CEP126: variants seen among roughly 807,000 people sequenced by gnomAD.
CEP126 encodes the protein centrosomal protein of 126 kDa.
Under a neutral mutation model 107.8 loss-of-function variants are expected in CEP126, and 74 were observed. The ratio of observed to expected loss-of-function variants is 0.69; its 90% CI spans 0.57 to 0.83. The LOEUF (loss-of-function observed/expected upper bound fraction) is 0.83. CEP126 is among the 40% of genes least tolerant of loss of function. The probability of loss-of-function intolerance (pLI) is 0.00; values close to 1 mark genes in which losing one functional copy is unlikely to be tolerated. For synonymous variants in CEP126, 449 were observed against 446.0 expected, an observed-to-expected ratio of 1.01 and a Z score of -0.08; for missense variants, 1,237 against 1,281.9, an observed-to-expected ratio of 0.96 and a Z score of 0.53.
chr11:101,934,794 T>C (rs1367061013), intron 2 of CEP126, among the ~76,000 whole-genome samples: 1 of 152,086 alleles, frequency 6.6e-6, no homozygotes, highest in African/African-American at 2.4e-5. Context: ...TTATTCTAAT[T>C]TGGGACTACT....
In CEP126 at chr11:101,963,109, G is replaced by GGA; in HGVS notation, c.2074_2075insGA (p.Asp692GlyfsTer11). 1 of 1,614,060 alleles carries GGA rather than the reference G, an allele frequency of 6.2e-7. No homozygotes were observed. On this transcript the variant is annotated frameshift_variant, in exon 6 of 11. Coordinates refer to ENST00000263468, the MANE Select transcript of CEP126 (RefSeq NM_020802.4). LOFTEE classifies it high-confidence loss of function. ...TGCTGATACAAAGAAGTCCAGGGAG[G>GGA]ATTCTATCTCTGAAAATGTTACGAC...
intron 1 of CEP126, among the ~76,000 whole-genome samples, chr11:101,922,152 T>C (rs951411229): frequency 1.4e-5 from 2 of 148,028 alleles, no homozygotes; most frequent in African/African-American, 5.0e-5. Flanking sequence ...TACTTTCTAA[T>C]ACCAAGTCAG....
rs529326128 is a variant in CEP126 at position 101,948,029 on chromosome 11, A to C, written c.395-2A>C. 4.1e-5 allele frequency: 65 copies of C among 1,581,606 alleles called. No individual in the cohort carries two copies. In the South Asian group the frequency reaches 6.6e-4, roughly 16 times the overall value. ...ACTGTTCGGTCTTTATTATCTCTTT[A>C]GTTTCCCGAAAACCAGTTCCTCCAT... On this transcript the variant is annotated splice_acceptor_variant, in intron 3 of 10. Transcript: ENST00000263468. LOFTEE classifies it high-confidence loss of function.
chr11:101,967,594 A>G (rs1404160094), intron 6 of CEP126, among the ~76,000 whole-genome samples: 1 of 152,172 alleles, frequency 6.6e-6, no homozygotes, highest in Non-Finnish European at 1.5e-5. Context: ...TAATTATTTC[A>G]AACATCCTCC....
intron 1 of CEP126, among the ~76,000 whole-genome samples, chr11:101,917,333 G>GA (rs908778989): frequency 2.6e-5 from 4 of 151,218 alleles, no homozygotes; most frequent in African/African-American, 4.9e-5. Flanking sequence ...ATGACTAAAT[G>GA]AAAAAAAGGA....
At chr11:101,955,853 C>T in intron 4 of CEP126, 1 of 456,332 alleles carries the variant, frequency 2.2e-6, no homozygotes, top group Non-Finnish European at 4.4e-6. Flanking sequence ...TCAACTGTCT[C>T]CTCCACGGGT....
chr11:101,921,370 T>C (rs1940322825), intron 1 of CEP126, among the ~76,000 whole-genome samples: 1 of 152,202 alleles, frequency 6.6e-6, no homozygotes, highest in Non-Finnish European at 1.5e-5. Context: ...CATTTTCTTA[T>C]ATTCATGACT....
intron 10 of CEP126, among the ~76,000 whole-genome samples, chr11:101,995,302 GCTAA>G (rs1941430039): frequency 6.6e-6 from 1 of 152,082 alleles, no homozygotes; most frequent in African/African-American, 2.4e-5. Flanking sequence ...TACCAATGCT[GCTAA>G]CTAACTTTGA....
At position 101,985,286 on chromosome 11, in the gene CEP126, CTTTT is replaced by C. The variant is rs1332724086; in HGVS notation, c.3035-1534_3035-1531del. ...GTATATATGAAACATAAATGAGTTTCTTTTTTTTTTTTTTTAAGCAGAGTCTCAC... is the reference window on the plus strand; with the variant it reads ...GTATATATGAAACATAAATGAGTTTCTTTTTTTTTTTAAGCAGAGTCTCAC... On this transcript the variant is annotated intron_variant, in intron 8 of 10. Coordinates refer to ENST00000263468, the MANE Select transcript of CEP126 (RefSeq NM_020802.4). Among the ~76,000 whole-genome samples the C allele has an allele frequency of 3.7e-5, 5 of 136,848 alleles. No homozygotes were observed. The East Asian group carries it at 6.4e-4, about 18-fold the overall frequency. The allele number at this position is 136,848 out of a possible 152,430, so 89.8% of individuals were successfully genotyped here.
chr11:101,929,973 A>AATTTTTTTTT (rs1591270540), intron 2 of CEP126, among the ~76,000 whole-genome samples: 1 of 118,106 alleles, frequency 8.5e-6, no homozygotes. Context: ...TTTAGTTAGG[A>AATTTTTTTTT]CTTTTTTTTT....
chr11:101,935,742 T>TCTCA lies in CEP126; in HGVS notation c.249-8523_249-8522insCTCA, dbSNP rs1940568175. On this transcript the variant is annotated intron_variant, in intron 2 of 10. Transcript: ENST00000263468. ...TTATAGCAGGAATTCTCAACAGCAGTACTATTGACATTGTGGATGAGATAA... is the reference window on the plus strand; with the variant it reads ...TTATAGCAGGAATTCTCAACAGCAGTCTCAACTATTGACATTGTGGATGAGATAA... Among the ~76,000 whole-genome samples, 3 of 152,128 alleles carry TCTCA rather than the reference T, an allele frequency of 2.0e-5. No homozygotes were observed. In the South Asian group the frequency reaches 6.2e-4, roughly 31 times the overall value.
In CEP126 at chr11:101,937,289, T is replaced by G. The variant is rs1940597141; in HGVS notation, c.249-6976T>G. Reference sequence around the variant, plus strand: ...ATGTTACTGATAAGCAATCATTTTCTTATACTTATTCACACTTAAGTACTT... The same window carrying G: ...ATGTTACTGATAAGCAATCATTTTCGTATACTTATTCACACTTAAGTACTT... On this transcript the variant is annotated intron_variant, in intron 2 of 10. Transcript: ENST00000263468. Among the ~76,000 whole-genome samples, 4 of 152,214 alleles carry G rather than the reference T, an allele frequency of 2.6e-5. No individual in the cohort carries two copies. The South Asian group carries it at 8.3e-4, about 31-fold the overall frequency.
chr11:101,995,388 A>T (rs1278409766), intron 10 of CEP126, among the ~76,000 whole-genome samples: 1 of 152,206 alleles, frequency 6.6e-6, no homozygotes, highest in Non-Finnish European at 1.5e-5. Flanking sequence ...TTGGAATCAC[A>T]TGGAGAGCTT....
At chr11:101,926,346 T>C (rs1270776038) in intron 2 of CEP126, among the ~76,000 whole-genome samples, 1 of 152,178 alleles carries the variant, frequency 6.6e-6, no homozygotes, top group East Asian at 1.9e-4. Context: ...AAAAGCCTAA[T>C]GTTATGAAAT....
intron 10 of CEP126, 139 bp downstream of exon 10, chr11:101,992,981 T>G: frequency 2.5e-6 from 2 of 793,932 alleles, no homozygotes; most frequent in Non-Finnish European, 3.5e-6. Flanking sequence ...TCAACTGGCT[T>G]TTTATTATAA....
intron 1 of CEP126, among the ~76,000 whole-genome samples, chr11:101,920,970 C>G (rs1057031552): frequency 1.3e-5 from 2 of 152,122 alleles, no homozygotes; most frequent in Admixed American, 1.3e-4. Context: ...GAAAATTACT[C>G]TGACAAATTT....
Position 101,915,360 on chromosome 11 carries a change from GC to G in CEP126, c.82del (p.Leu28SerfsTer16). 6.2e-7 allele frequency: 1 copy of G among 1,613,944 alleles called. No individual in the cohort carries two copies. The highest frequency in any genetic ancestry group is 8.5e-7 in the Non-Finnish European group (1 of 1,179,974). On this transcript the variant is annotated frameshift_variant, in exon 1 of 11. Transcript: ENST00000263468. LOFTEE classifies it high-confidence loss of function. ...GTESSDNLDR[A>X]PLGPRESGGH... Reference sequence around the variant, plus strand: ...TGAATCATCGGACAACCTCGACAGAGCCCCCCTCGGCCCTCGGGAGAGCGGC... The same window carrying G: ...TGAATCATCGGACAACCTCGACAGAGCCCCCTCGGCCCTCGGGAGAGCGGC...
intron 2 of CEP126, among the ~76,000 whole-genome samples, chr11:101,936,836 G>GT (rs1940588287): frequency 6.6e-6 from 1 of 151,742 alleles, no homozygotes; most frequent in Non-Finnish European, 1.5e-5. Flanking sequence ...CCTCTTTTTT[G>GT]TCAATATAGT....
chr11:101,922,690 T>C lies in CEP126; in HGVS notation c.178T>C (p.Leu60=), dbSNP rs759069516. The part of the protein sequence containing the change: ...EKNLEEERQI[L]LQQQKICRNR... ...AAATTTAGAAGAAGAGCGCCAGATATTACTGCAGCAACAAAAAATATGTCG... is the reference window on the plus strand; with the variant it reads ...AAATTTAGAAGAAGAGCGCCAGATACTACTGCAGCAACAAAAAATATGTCG... Residue 60 remains leucine (L), a synonymous_variant, in exon 2 of 11, where the codon TTA becomes CTA. Coordinates refer to ENST00000263468, the MANE Select transcript of CEP126 (RefSeq NM_020802.4). The C allele has an allele frequency of 5.6e-6, 9 of 1,610,906 alleles. No homozygotes were observed. The highest frequency in any genetic ancestry group is 6.8e-6 in the Non-Finnish European group (8 of 1,177,248).
Sources: allele counts gnomAD v4.1 joint callset (sites outside exome capture counted in the v4.1 genomes callset), GRCh38; gene constraint gnomAD v4.1.1; transcripts MANE v1.5; gene names NCBI Gene and HGNC (gene_info 2026-07-23, HGNC 2026-07-21).